CPLX2: variants seen among roughly 807,000 people sequenced by gnomAD.
CPLX2 encodes the protein complexin 2.
A neutral mutation model predicts 16.3 loss-of-function variants in CPLX2; 5 were observed. That is an observed-to-expected ratio of 0.31 (90% CI 0.16 to 0.64). The LOEUF (loss-of-function observed/expected upper bound fraction) is 0.64, where lower values mean the gene tolerates loss of function less well. Ranked by LOEUF, CPLX2 falls within the 30% of genes least tolerant of loss-of-function variation. The pLI is 0.79. For missense variants in CPLX2, 144 were observed against 181.4 expected (o/e 0.79, Z 1.18); for synonymous variants, 89 against 73.2 (o/e 1.22, Z -1.10).
intron 2 of CPLX2, among the ~76,000 whole-genome samples, chr5:175,821,553 A>T (rs1416096201): frequency 1.3e-5 from 2 of 151,914 alleles, no homozygotes; most frequent in East Asian, 1.9e-4. Context: ...GATTACAGGC[A>T]CCTGTCACCA....
chr5:175,878,454 G>A (rs977969747), intron 1 of CPLX2, 198 bp from the exon 2 acceptor site: 3 of 535,978 alleles, frequency 5.6e-6, no homozygotes, highest in East Asian at 6.2e-5. Context: ...CTTTCAAAAA[G>A]CTATTTGGCA....
chr5:175,849,145 G>A lies in CPLX2; in HGVS notation c.-88-29507G>A, dbSNP rs1306152552. ...TGGTGTGTGTTTTTAACACCAGCCA[G>A]TGCTGCCGTGTGTGCAGGACCGATG... On this transcript the variant is annotated intron_variant, in intron 2 of 4. Transcript: ENST00000359546. This position sits in a 1 kb window ranked among gnomAD's most constrained non-coding sequence, Gnocchi z 4.4. Among the ~76,000 whole-genome samples the A allele has an allele frequency of 7.2e-5, 11 of 152,234 alleles. No homozygotes were observed.
chr5:175,855,448 A>C (rs1275962710), intron 2 of CPLX2, among the ~76,000 whole-genome samples: 1 of 152,246 alleles, frequency 6.6e-6, no homozygotes, highest in Non-Finnish European at 1.5e-5. Context: ...TAGAAAAACA[A>C]ATGTAAATGG....
intron 1 of CPLX2, among the ~76,000 whole-genome samples, chr5:175,799,295 T>G (rs1243540166): frequency 6.6e-6 from 1 of 151,944 alleles, no homozygotes; most frequent in Non-Finnish European, 1.5e-5. Flanking sequence ...TCAAGCCCAA[T>G]AGCCACATTT....
At chr5:175,797,061 C>T (rs1176312998) in intron 1 of CPLX2, among the ~76,000 whole-genome samples, 1 of 152,174 alleles carries the variant, frequency 6.6e-6, no homozygotes, top group African/African-American at 2.4e-5. Context: ...ACAGCGGCGG[C>T]CGGGCGGGCT....
chr5:175,828,613 G>C (rs545108582), intron 2 of CPLX2, among the ~76,000 whole-genome samples: 13 of 152,220 alleles, frequency 8.5e-5, no homozygotes, highest in Non-Finnish European at 1.9e-4. Context: ...TCAACTATGG[G>C]CTGAACAGTG....
At chr5:175,797,062 C>T (rs1438681239) in intron 1 of CPLX2, among the ~76,000 whole-genome samples, 1 of 152,174 alleles carries the variant, frequency 6.6e-6, no homozygotes, top group Non-Finnish European at 1.5e-5. Context: ...CAGCGGCGGC[C>T]GGGCGGGCTC....
chr5:175,829,075 A>G (rs1165802798), intron 2 of CPLX2, among the ~76,000 whole-genome samples: 1 of 152,214 alleles, frequency 6.6e-6, no homozygotes, highest in Non-Finnish European at 1.5e-5. Flanking sequence ...CCCTGGGAAT[A>G]GGCCTCTCCC....
chr5:175,855,184 T>C (rs1759231336), intron 2 of CPLX2, among the ~76,000 whole-genome samples: 1 of 152,036 alleles, frequency 6.6e-6, no homozygotes, highest in Non-Finnish European at 1.5e-5. Flanking sequence ...ACACACAGTA[T>C]TTAGGGGTGA....
Position 175,872,012 on chromosome 5 carries a change from T to A in CPLX2, c.-89+307T>A, listed in dbSNP as rs915044513. The A allele has an allele frequency of 2.0e-5, 3 of 152,028 alleles. No individual in the cohort carries two copies. The highest frequency in any genetic ancestry group is 7.3e-5 in the African/African-American group (3 of 41,378). 9.4% of individuals were successfully genotyped at this position (152,028 alleles called of 1,614,324 possible). A position where few individuals can be genotyped will look rare whatever the true frequency, so the allele number is the denominator to read the frequency against. On this transcript the variant is annotated intron_variant, in intron 1 of 3. Transcript: ENST00000393745. This position sits in a 1 kb window ranked among gnomAD's most constrained non-coding sequence, Gnocchi z 5.0. The stretch of plus-strand genomic sequence containing the variant: ...CCGGGCAGAGCCCGAACGGCCGGGG[T>A]CCCGGAGCCAGGACCGCCCCGGCTG...
At chr5:175,823,732 G>T (rs982932685) in intron 2 of CPLX2, among the ~76,000 whole-genome samples, 11 of 152,184 alleles carry the variant, frequency 7.2e-5, no homozygotes, top group Admixed American at 5.9e-4. Flanking sequence ...GCTGTGTGAT[G>T]ATGTCAGAGC....
In CPLX2 at chr5:175,836,854, CA is replaced by C. The variant is rs200241533; in HGVS notation, c.-89+27788del. ...TCCTTGCCCTGCAAGGCAGGCAGAG[CA>C]AGTGCCAATGTCACACCCACTTTAC... On this transcript the variant is annotated intron_variant, in intron 2 of 4. Transcript: ENST00000359546. Among the ~76,000 whole-genome samples the C allele has an allele frequency of 9.4e-3, 1,434 of 152,360 alleles. 20 individuals are homozygous for C. The highest frequency in any genetic ancestry group is 0.033 in the African/African-American group (1,357 of 41,588).
At chr5:175,868,426 C>T (rs190661125), upstream of CPLX2, among the ~76,000 whole-genome samples, 1 of 152,194 alleles carries the variant, frequency 6.6e-6, no homozygotes, top group Non-Finnish European at 1.5e-5. Context: ...TAACATCTTA[C>T]AAATCTGTTC....
At chr5:175,864,282 C>T (rs1449477089) in intron 2 of CPLX2, among the ~76,000 whole-genome samples, 3 of 152,162 alleles carry the variant, frequency 2.0e-5, no homozygotes, top group Admixed American at 2.0e-4. Context: ...GTGGCCAGTG[C>T]CCATGGCTGC....
At chr5:175,836,075 G>A (rs1758827880) in intron 2 of CPLX2, among the ~76,000 whole-genome samples, 1 of 152,158 alleles carries the variant, frequency 6.6e-6, no homozygotes, top group African/African-American at 2.4e-5. Flanking sequence ...ACTAGGCCAG[G>A]CGCGGTGGCT....
chr5:175,853,266 T>G (rs1461406928), intron 2 of CPLX2, among the ~76,000 whole-genome samples: 1 of 152,250 alleles, frequency 6.6e-6, no homozygotes, highest in Non-Finnish European at 1.5e-5. Flanking sequence ...ATAGAGGTGC[T>G]ACTCCACCAG....
Position 175,809,629 on chromosome 5 carries a change from C to A in CPLX2, c.-89+561C>A, listed in dbSNP as rs1210477983. 1.3e-5 allele frequency among the ~76,000 whole-genome samples: 2 copies of A among 152,056 alleles called. No individual in the cohort carries two copies. Among genetic ancestry groups the A allele is most frequent in the Non-Finnish European group, 2.9e-5 (2 of 68,026 alleles). Reference sequence around the variant, plus strand: ...ATGAGCTCAACATCCCCCATGCCACCCCCTCCCCAGCCCAGGATCCCAACC... The same window carrying A: ...ATGAGCTCAACATCCCCCATGCCACACCCTCCCCAGCCCAGGATCCCAACC... On this transcript the variant is annotated intron_variant, in intron 2 of 4. Coordinates refer to the CPLX2 transcript ENST00000359546. This position sits in a 1 kb window ranked among gnomAD's most constrained non-coding sequence, Gnocchi z 4.4.
chr5:175,818,241 T>C (rs973130484), intron 2 of CPLX2, among the ~76,000 whole-genome samples: 2 of 151,940 alleles, frequency 1.3e-5, no homozygotes, highest in African/African-American at 2.4e-5. Flanking sequence ...AGAAAAGGGA[T>C]ACCAGCTAGA....
Position 175,804,303 on chromosome 5 carries a change from G to A in CPLX2, c.-168-4686G>A, listed in dbSNP as rs985312250. Among the ~76,000 whole-genome samples the A allele has an allele frequency of 3.9e-5, 6 of 152,144 alleles. No individual in the cohort carries two copies. In the East Asian group the frequency reaches 1.2e-3, roughly 29 times the overall value. On this transcript the variant is annotated intron_variant, in intron 1 of 4. Coordinates refer to the CPLX2 transcript ENST00000359546. Reference sequence around the variant, plus strand: ...AGTATCAAGAGCCAGTCTGCTCATGGTGAACCAAAAATAAGAAACTGTTCC... The same window carrying A: ...AGTATCAAGAGCCAGTCTGCTCATGATGAACCAAAAATAAGAAACTGTTCC...
Sources: gnomAD v4.1 joint callset for allele counts (sites outside exome capture counted in the v4.1 genomes callset) on GRCh38, gnomAD v4.1.1 for gene constraint, Gnocchi (gnomAD v3.1) non-coding constraint, MANE v1.5 for transcripts, NCBI Gene and HGNC (gene_info 2026-07-23, HGNC 2026-07-21) for gene names.